CADPS2: variants seen among roughly 807,000 people sequenced by gnomAD.
CADPS2 encodes calcium-dependent secretion activator 2.
Under a neutral mutation model 172.5 loss-of-function variants are expected in CADPS2, and 93 were observed. The ratio of observed to expected loss-of-function variants is 0.54; its 90% CI spans 0.46 to 0.64. The LOEUF is 0.64. Among genes scored for constraint, CADPS2 ranks in the 30% least tolerant of loss-of-function variants. The probability of loss-of-function intolerance (pLI) is 0.00; values close to 1 mark genes in which losing one functional copy is unlikely to be tolerated. For missense variants in CADPS2, 1,420 were observed against 1,565.9 expected, an observed-to-expected ratio of 0.91 and a Z score of 1.57; for synonymous variants, 546 against 555.2, an observed-to-expected ratio of 0.98 and a Z score of 0.23.
intron 6 of CADPS2, among the ~76,000 whole-genome samples, chr7:122,585,953 T>C (rs1383435207): frequency 6.6e-6 from 1 of 151,932 alleles, no homozygotes; most frequent in African/African-American, 2.4e-5. Flanking sequence ...AAAATAATTG[T>C]AAGTATTAAA....
At chr7:122,732,274 C>T (rs936872980) in intron 2 of CADPS2, among the ~76,000 whole-genome samples, 6 of 151,266 alleles carry the variant, frequency 4.0e-5, no homozygotes, top group Admixed American at 2.0e-4. Flanking sequence ...ATACCAAGAT[C>T]CCAGGTATTA....
chr7:122,751,432 G>A (rs765250056), intron 1 of CADPS2, among the ~76,000 whole-genome samples: 11 of 152,226 alleles, frequency 7.2e-5, no homozygotes, highest in East Asian at 3.9e-4. Context: ...GCATAGTTTC[G>A]TGGAAACTGA....
chr7:122,466,147 C>A (rs2055106640), intron 14 of CADPS2, among the ~76,000 whole-genome samples: 2 of 152,146 alleles, frequency 1.3e-5, no homozygotes, highest in Non-Finnish European at 2.9e-5. Context: ...TGTTTCTGTT[C>A]ATGGTTAATG....
chr7:122,524,604 T>C (rs2061056543), intron 8 of CADPS2, among the ~76,000 whole-genome samples: 1 of 152,146 alleles, frequency 6.6e-6, no homozygotes, highest in Non-Finnish European at 1.5e-5. Flanking sequence ...AGCAGACATG[T>C]GCAAAGGTAG....
At position 122,638,639 on chromosome 7, in the gene CADPS2, T is replaced by C. The variant is rs115233970; in HGVS notation, c.787-9311A>G. 5.6e-3 allele frequency among the ~76,000 whole-genome samples: 847 copies of C among 152,294 alleles called. 11 individuals are homozygous for C. Among genetic ancestry groups the C allele is most frequent in the African/African-American group, 0.019 (801 of 41,558 alleles). On this transcript the variant is annotated intron_variant, in intron 3 of 29. Transcript: ENST00000449022. Reference sequence around the variant, plus strand: ...TCTGCAAAAACTCTGGGTAGCTCTCTGTATCAGTCTAGAGGCCCAAGGGAG... The same window carrying C: ...TCTGCAAAAACTCTGGGTAGCTCTCCGTATCAGTCTAGAGGCCCAAGGGAG...
intron 7 of CADPS2, among the ~76,000 whole-genome samples, chr7:122,566,514 C>T (rs1048576375): frequency 6.6e-6 from 1 of 152,016 alleles, no homozygotes; most frequent in African/African-American, 2.4e-5. Context: ...TGAAATCAAC[C>T]TAAATGTCCA....
rs143362101 is a variant in CADPS2 at position 122,546,162 on chromosome 7, G to A, written c.1475+8388C>T. Among the ~76,000 whole-genome samples, 603 of 152,242 alleles carry A rather than the reference G, an allele frequency of 4.0e-3. 7 individuals are homozygous for A. The highest frequency in any genetic ancestry group is 0.014 in the African/African-American group (572 of 41,542). On this transcript the variant is annotated intron_variant, in intron 8 of 29. Transcript: ENST00000449022. The stretch of plus-strand genomic sequence containing the variant: ...GTATTAATGTTAAAATTGTGGTGAT[G>A]TTTCTTTTTATAATCTGAACACACA...
At chr7:122,406,242 G>T (rs991944239) in intron 20 of CADPS2, among the ~76,000 whole-genome samples, 7 of 152,182 alleles carry the variant, frequency 4.6e-5, no homozygotes. Flanking sequence ...CTAGAGCCAT[G>T]AACAAAACCA....
chr7:122,856,661 AT>A (rs1815335917), intron 1 of CADPS2, among the ~76,000 whole-genome samples: 1 of 152,208 alleles, frequency 6.6e-6, no homozygotes, highest in Admixed American at 6.5e-5. Context: ...CCAAGTGTAC[AT>A]TTTAACTGAC....
At chr7:122,783,289 C>G (rs1793232128) in intron 1 of CADPS2, among the ~76,000 whole-genome samples, 1 of 151,416 alleles carries the variant, frequency 6.6e-6, no homozygotes, top group African/African-American at 2.4e-5. Flanking sequence ...GTTATTCAAT[C>G]TGTTTGTATT....
intron 1 of CADPS2, among the ~76,000 whole-genome samples, chr7:122,795,284 T>C (rs756311634): frequency 6.6e-6 from 1 of 152,076 alleles, no homozygotes; most frequent in African/African-American, 2.4e-5. Flanking sequence ...ATATTACCAC[T>C]GACCCCATAG....
At chr7:122,603,044 T>G (rs2073017507) in intron 6 of CADPS2, among the ~76,000 whole-genome samples, 1 of 152,006 alleles carries the variant, frequency 6.6e-6, no homozygotes, top group Non-Finnish European at 1.5e-5. Flanking sequence ...CGGCTACACT[T>G]TAGCACAGCA....
intron 6 of CADPS2, among the ~76,000 whole-genome samples, chr7:122,600,251 T>C (rs1563820629): frequency 1.3e-5 from 2 of 151,876 alleles, no homozygotes; most frequent in Non-Finnish European, 2.9e-5. Context: ...CTCCATGGAG[T>C]CAAAGCAACA....
chr7:122,781,599 C>T (rs1792743371), intron 1 of CADPS2, among the ~76,000 whole-genome samples: 1 of 152,108 alleles, frequency 6.6e-6, no homozygotes, highest in South Asian at 2.1e-4. Flanking sequence ...AAATATGCAA[C>T]ACTCATAAAT....
chr7:122,543,223 T>C (rs983451680), intron 8 of CADPS2, among the ~76,000 whole-genome samples: 1 of 152,146 alleles, frequency 6.6e-6, no homozygotes, highest in Non-Finnish European at 1.5e-5. Context: ...AACAGTACAC[T>C]ACACTTTTTA....
chr7:122,698,476 T>A (rs755784659), intron 2 of CADPS2: 2 of 1,613,932 alleles, frequency 1.2e-6, no homozygotes, highest in Non-Finnish European at 1.7e-6. Context: ...AACGACATCT[T>A]CAAATGCCTG....
Position 122,797,868 on chromosome 7 carries a change from A to C in CADPS2, c.340-60800T>G, listed in dbSNP as rs140882923. On this transcript the variant is annotated intron_variant, in intron 1 of 29. Coordinates refer to ENST00000449022, the MANE Select transcript of CADPS2 (RefSeq NM_017954.11). ...TCATGTACCCCTGAACTTAAAAGTT[A>C]AATTAAAAAATAAATAAAAATATTT... 5.6e-3 allele frequency among the ~76,000 whole-genome samples: 857 copies of C among 152,332 alleles called. 6 individuals are homozygous for C. Among genetic ancestry groups the C allele is most frequent in the Non-Finnish European group, 8.6e-3 (584 of 68,020 alleles).
chr7:122,846,624 G>A lies in CADPS2; in HGVS notation c.339+39375C>T, dbSNP rs73224234. Among the ~76,000 whole-genome samples, 947 of 152,230 alleles carry A rather than the reference G, an allele frequency of 6.2e-3. 2 individuals carry two copies. Among genetic ancestry groups the A allele is most frequent in the Admixed American group, 9.4e-3 (144 of 15,286 alleles). On this transcript the variant is annotated intron_variant, in intron 1 of 29. Transcript: ENST00000449022. ...TGTTGTGGCAACTCTTTAAATATAG[G>A]AGCCAATAATTTTAAGGAAGAGGCT...
At position 122,637,208 on chromosome 7, in the gene CADPS2, T is replaced by TTCTCTC. The variant is rs778963218; in HGVS notation, c.787-7881_787-7880insGAGAGA. On this transcript the variant is annotated intron_variant, in intron 3 of 29. Transcript: ENST00000449022. ...TTTTTTTTTTTTTTTTTTTTTTTTT[T>TTCTCTC]CCTGAGACAGGGTCTCACTCTGTGG... Among the ~76,000 whole-genome samples, 7 of 62,694 alleles carry TTCTCTC rather than the reference T, an allele frequency of 1.1e-4. 1 individual carries two copies. Among genetic ancestry groups the TTCTCTC allele is most frequent in the African/African-American group, 4.4e-4 (7 of 16,070 alleles). The allele number at this position is 62,694 out of a possible 152,430, so 41.1% of individuals were successfully genotyped here. A position where few individuals can be genotyped will look rare whatever the true frequency, so the allele number is the denominator to read the frequency against.
Sources: allele counts gnomAD v4.1 joint callset (sites outside exome capture counted in the v4.1 genomes callset), GRCh38; gene constraint gnomAD v4.1.1; transcripts MANE v1.5; gene names NCBI Gene and HGNC (gene_info 2026-07-23, HGNC 2026-07-21).